GDI2: variants seen among roughly 807,000 people sequenced by gnomAD.
The protein encoded by GDI2 is rab GDP dissociation inhibitor beta.
Under a neutral mutation model 54.2 loss-of-function variants are expected in GDI2, and 22 were observed. That is an observed-to-expected ratio of 0.41 (90% CI 0.29 to 0.58). The LOEUF (loss-of-function observed/expected upper bound fraction) is 0.58. Ranked by LOEUF, GDI2 falls within the 20% of genes least tolerant of loss-of-function variation. GDI2 has a pLI of 0.35. For synonymous variants in GDI2, 177 were observed against 182.1 expected (o/e 0.97, Z 0.23); for missense variants, 422 against 546.0 (o/e 0.77, Z 2.26).
At chr10:5,793,087 T>C (rs909684707) in intron 4 of GDI2, among the ~76,000 whole-genome samples, 5 of 152,218 alleles carry the variant, frequency 3.3e-5, no homozygotes, top group Middle Eastern at 3.4e-3. Context: ...TTTGATTTCC[T>C]GGACTCAAGC....
At chr10:5,773,810 T>C (rs557769082) in intron 7 of GDI2, 32 bp downstream of exon 7, 26 of 889,724 alleles carry the variant, frequency 2.9e-5, no homozygotes, top group Non-Finnish European at 4.5e-5. Flanking sequence ...CACAAGAACA[T>C]AGTAATTTTT....
At chr10:5,797,613 G>A (rs1841178199) in intron 2 of GDI2, among the ~76,000 whole-genome samples, 1 of 149,698 alleles carries the variant, frequency 6.7e-6, no homozygotes, top group African/African-American at 2.5e-5. Context: ...TACTCGAGAG[G>A]CTGAGGCAGG....
chr10:5,794,188 A>ATAT (rs1554789557), intron 4 of GDI2, among the ~76,000 whole-genome samples: 8 of 40,342 alleles, frequency 2.0e-4, no homozygotes, highest in African/African-American at 6.1e-4. Context: ...AAAAAAAAAA[A>ATAT]ATATATATAT....
At chr10:5,797,506 C>A (rs1249147912) in intron 2 of GDI2, among the ~76,000 whole-genome samples, 1 of 139,630 alleles carries the variant, frequency 7.2e-6, no homozygotes, top group African/African-American at 2.7e-5. Context: ...GATAGCGTGA[C>A]TGCACTCCAG....
At chr10:5,790,048 A>G (rs1362412407) in intron 4 of GDI2, among the ~76,000 whole-genome samples, 1 of 152,240 alleles carries the variant, frequency 6.6e-6, no homozygotes. Flanking sequence ...AACACCATAA[A>G]CACTGAGTAA....
At chr10:5,810,294 A>G (rs1841458910) in intron 1 of GDI2, among the ~76,000 whole-genome samples, 1 of 152,184 alleles carries the variant, frequency 6.6e-6, no homozygotes, top group East Asian at 1.9e-4. Context: ...AAAAATGGGA[A>G]GAAAAAAACC....
chr10:5,778,027 A>C (rs1840665237), intron 6 of GDI2, among the ~76,000 whole-genome samples: 1 of 152,208 alleles, frequency 6.6e-6, no homozygotes, highest in African/African-American at 2.4e-5. Flanking sequence ...CAGTTAACTA[A>C]CACAGGAACA....
chr10:5,785,378 G>GT (rs936785775), intron 5 of GDI2, 105 bp from the exon 6 acceptor site: 23 of 845,292 alleles, frequency 2.7e-5, no homozygotes, highest in East Asian at 2.1e-4. Flanking sequence ...CTTCTTTTTT[G>GT]TTTTTTTGTT....
At chr10:5,791,518 C>T (rs978796345) in intron 4 of GDI2, among the ~76,000 whole-genome samples, 6 of 151,966 alleles carry the variant, frequency 3.9e-5, no homozygotes, top group Non-Finnish European at 2.9e-5. Context: ...GAGGCCAAGG[C>T]GGACGGATCA....
In GDI2 at chr10:5,766,394, G is replaced by A; in HGVS notation, c.1137-99C>T. The A allele has an allele frequency of 1.3e-6, 2 of 1,505,348 alleles. No individual in the cohort carries two copies. Among genetic ancestry groups the A allele is most frequent in the Non-Finnish European group, 1.8e-6 (2 of 1,081,188 alleles). The allele number at this position is 1,505,348 out of a possible 1,614,324, so 93.2% of individuals were successfully genotyped here. A position where few individuals can be genotyped will look rare whatever the true frequency, so the allele number is the denominator to read the frequency against. The stretch of plus-strand genomic sequence containing the variant: ...AGGTACAGATGAATCCCACAGAGCA[G>A]CCAGCAGCTACCTGCCTTGCCCTCA... On this transcript the variant is annotated intron_variant, in intron 9 of 10. Transcript: ENST00000380191. The surrounding 1 kb of genome is among the most constrained non-coding windows in gnomAD (Gnocchi z 5.8).
intron 1 of GDI2, among the ~76,000 whole-genome samples, chr10:5,803,674 A>G (rs1223808033): frequency 6.6e-6 from 1 of 152,164 alleles, no homozygotes; most frequent in Non-Finnish European, 1.5e-5. Context: ...TTGACCATCA[A>G]CCGAAAAGTA....
chr10:5,792,526 G>C (rs1841040180), intron 4 of GDI2, among the ~76,000 whole-genome samples: 1 of 152,050 alleles, frequency 6.6e-6, no homozygotes, highest in Non-Finnish European at 1.5e-5. Context: ...TGCAACTCAA[G>C]ATTTCAAAAT....
chr10:5,785,224 T>A lies in GDI2; in HGVS notation c.637A>T (p.Ser213Cys). ...TTGCCATATCTTGCCAAAGATTCAC[T>A]GTAAAGTTTAATTCTATTAATGGTT... Reference protein sequence around the residue: ...YETINRIKLYSESLARYGKSP... With the variant: ...YETINRIKLYCESLARYGKSP... Residue 213 changes from serine to cysteine, a missense_variant, in exon 6 of 11, where the codon AGT (serine) becomes TGT (cysteine). Physicochemically the swap from Ser to Cys is moderately radical, Grantham distance 112. Coordinates refer to ENST00000380191, the MANE Select transcript of GDI2 (RefSeq NM_001494.4). 6.2e-7 allele frequency: 1 copy of A among 1,605,138 alleles called. No homozygotes were observed. Among genetic ancestry groups the A allele is most frequent in the Non-Finnish European group, 8.5e-7 (1 of 1,171,974 alleles).
At position 5,794,186 on chromosome 10, in the gene GDI2, AAAATATATATATATATATATATATAT is replaced by A. The variant is rs1330148171; in HGVS notation, c.388+673_388+698del. Among the ~76,000 whole-genome samples the A allele has an allele frequency of 6.4e-5, 3 of 46,670 alleles. 1 individual carries two copies. Among genetic ancestry groups the A allele is most frequent in the East Asian group, 1.5e-3 (2 of 1,338 alleles). The allele number at this position is 46,670 out of a possible 152,430, so 30.6% of individuals were successfully genotyped here. A position where few individuals can be genotyped will look rare whatever the true frequency, so the allele number is the denominator to read the frequency against. On this transcript the variant is annotated intron_variant, in intron 4 of 10. Transcript: ENST00000380191. ...TGTCTTTAAAAGAAAAAAAAAAAAAAAAATATATATATATATATATATATATATATATATATATATATATATAAAAC... is the reference window on the plus strand; with the variant it reads ...TGTCTTTAAAAGAAAAAAAAAAAAAAATATATATATATATATATATAAAAC...
intron 4 of GDI2, among the ~76,000 whole-genome samples, chr10:5,794,670 T>C (rs560751391): frequency 3.3e-5 from 5 of 152,280 alleles, no homozygotes; most frequent in Admixed American, 6.5e-5. Context: ...ACATGATCTA[T>C]AGATGATCAT....
At chr10:5,783,313 C>T (rs1375541413) in intron 6 of GDI2, among the ~76,000 whole-genome samples, 1 of 105,830 alleles carries the variant, frequency 9.4e-6, no homozygotes, top group Non-Finnish European at 2.3e-5. Flanking sequence ...TATATTTTTC[C>T]ACCCCTTTAC....
intron 4 of GDI2, among the ~76,000 whole-genome samples, chr10:5,786,775 T>A (rs1027265860): frequency 6.6e-6 from 1 of 152,238 alleles, no homozygotes; most frequent in African/African-American, 2.4e-5. Flanking sequence ...CGCCTCTGTA[T>A]GCTAAGATAC....
At chr10:5,778,524 A>G (rs1840676957) in intron 6 of GDI2, among the ~76,000 whole-genome samples, 1 of 152,248 alleles carries the variant, frequency 6.6e-6, no homozygotes, top group South Asian at 2.1e-4. Flanking sequence ...GATCACCTCA[A>G]GACTATCAGG....
rs774777719 is a variant in GDI2 at position 5,773,153 on chromosome 10, GC to G, written c.819+688del. Among the ~76,000 whole-genome samples, 36 of 151,954 alleles carry G rather than the reference GC, an allele frequency of 2.4e-4. 1 individual carries two copies. The East Asian group carries it at 3.1e-3, about 13-fold the overall frequency. ...CAGTGAGACCTAAATAACTGAAGAT[GC>G]CCCCCACCCCACCACCCAGGAGGTT... On this transcript the variant is annotated intron_variant, in intron 7 of 10. Coordinates refer to ENST00000380191, the MANE Select transcript of GDI2 (RefSeq NM_001494.4).
Sources: allele counts gnomAD v4.1 joint callset (sites outside exome capture counted in the v4.1 genomes callset), GRCh38; gene constraint gnomAD v4.1.1; non-coding constraint Gnocchi (gnomAD v3.1); transcripts MANE v1.5; gene names NCBI Gene and HGNC (gene_info 2026-07-23, HGNC 2026-07-21).